Variants in WLS observed in about 807,000 individuals in gnomAD.
WLS encodes Wnt ligand secretion mediator, also known as protein wntless homolog.
Under a neutral mutation model 62.8 loss-of-function variants are expected in WLS, and 23 were observed. The ratio of observed to expected loss-of-function variants is 0.37; its 90% confidence interval spans 0.26 to 0.52. The LOEUF is 0.52. Among genes scored for constraint, WLS ranks in the 20% least tolerant of loss-of-function variants. The probability of loss-of-function intolerance (pLI) is 0.92; values close to 1 mark genes in which losing one functional copy is unlikely to be tolerated. For synonymous variants in WLS, 246 were observed against 244.1 expected, an observed-to-expected ratio of 1.01 and a Z score of -0.07; for missense variants, 615 against 697.3, an observed-to-expected ratio of 0.88 and a Z score of 1.33.
At chr1:68,159,320 T>C (rs1646941514) in intron 2 of WLS, 73 bp from the exon 3 acceptor site, 3 of 1,563,140 alleles carry the variant, frequency 1.9e-6, no homozygotes, top group Admixed American at 3.9e-5. Flanking sequence ...AAAAAATTCT[T>C]ATAGGCTTTG....
intron 9 of WLS, among the ~76,000 whole-genome samples, chr1:68,145,568 C>T (rs1212186763): frequency 6.6e-6 from 1 of 151,906 alleles, no homozygotes; most frequent in Non-Finnish European, 1.5e-5. Context: ...TGCCATAGTC[C>T]AATCTCCCAG....
intron 2 of WLS, chr1:68,163,154 A>G (rs1647007700): frequency 9.3e-7 from 1 of 1,076,468 alleles, no homozygotes; most frequent in Non-Finnish European, 1.4e-6. Context: ...ACTTAGGGGA[A>G]CTCGCAGGAG....
At chr1:68,183,277 G>C (rs553490080) in intron 2 of WLS, among the ~76,000 whole-genome samples, 1 of 152,172 alleles carries the variant, frequency 6.6e-6, no homozygotes, top group Non-Finnish European at 1.5e-5. Context: ...ACCTCTTTTT[G>C]GTGGGAGTAG....
At chr1:68,137,139 C>G (rs745999104) in intron 11 of WLS, among the ~76,000 whole-genome samples, 1 of 152,180 alleles carries the variant, frequency 6.6e-6, no homozygotes, top group Admixed American at 6.5e-5. Context: ...TGAGCAAGAT[C>G]TTCCCTTCTC....
chr1:68,153,077 G>A (rs1030265268), intron 5 of WLS, among the ~76,000 whole-genome samples: 3 of 152,114 alleles, frequency 2.0e-5, no homozygotes, highest in Non-Finnish European at 2.9e-5. Context: ...TCAGGATTTC[G>A]AGATCAGCCT....
chr1:68,184,747 T>C (rs976675850), intron 2 of WLS, among the ~76,000 whole-genome samples: 3 of 152,198 alleles, frequency 2.0e-5, no homozygotes, highest in Admixed American at 1.3e-4. Context: ...ACTGACTCAA[T>C]CATAGATTTC....
At chr1:68,225,734 C>G (rs1571040550) in intron 1 of WLS, among the ~76,000 whole-genome samples, 1 of 152,308 alleles carries the variant, frequency 6.6e-6, no homozygotes, top group East Asian at 1.9e-4. Flanking sequence ...CAGTAAGAGG[C>G]TCTTTTCTCA....
intron 11 of WLS, among the ~76,000 whole-genome samples, chr1:68,135,974 G>A (rs1206910491): frequency 1.3e-5 from 2 of 152,184 alleles, no homozygotes; most frequent in Non-Finnish European, 2.9e-5. Flanking sequence ...CAGGGGGTAG[G>A]TAAGTAAATA....
chr1:68,137,653 C>A, intron 11 of WLS, 127 bp downstream of exon 11: 1 of 1,091,566 alleles, frequency 9.2e-7, no homozygotes, highest in African/African-American at 1.6e-5. Flanking sequence ...TCACCGTCTC[C>A]CAGTGTGAGG....
chr1:68,167,108 A>G (rs1398089174), intron 2 of WLS, among the ~76,000 whole-genome samples: 1 of 152,208 alleles, frequency 6.6e-6, no homozygotes, highest in Non-Finnish European at 1.5e-5. Context: ...AACGCCTAGA[A>G]TTTCATGATT....
At chr1:68,226,496 G>T (rs1189339837) in intron 1 of WLS, among the ~76,000 whole-genome samples, 1 of 152,256 alleles carries the variant, frequency 6.6e-6, no homozygotes, top group South Asian at 2.1e-4. Context: ...TCTATTTCAA[G>T]ATGAAATATT....
intron 11 of WLS, among the ~76,000 whole-genome samples, chr1:68,107,494 G>T (rs1005536637): frequency 1.3e-5 from 2 of 152,144 alleles, no homozygotes; most frequent in African/African-American, 4.8e-5. Context: ...AAGCCATTCA[G>T]CTCAACCTCT....
chr1:68,098,900 G>A, intron 11 of WLS: 3 of 1,238,840 alleles, frequency 2.4e-6, no homozygotes, highest in Non-Finnish European at 3.2e-6. Context: ...GTTTAGGACT[G>A]TGTCCTTCAT....
chr1:68,183,430 G>A (rs768231791), intron 2 of WLS: 1 of 369,748 alleles, frequency 2.7e-6, no homozygotes, highest in South Asian at 2.2e-5. Flanking sequence ...TCATAGCAGG[G>A]ATAGTTCTTA....
chr1:68,191,220 A>T (rs993062170), intron 2 of WLS, among the ~76,000 whole-genome samples: 2 of 152,072 alleles, frequency 1.3e-5, no homozygotes, highest in African/African-American at 4.8e-5. Context: ...TGTCTAGGAG[A>T]GATTATACCT....
At chr1:68,191,827 T>C (rs1430740) in intron 2 of WLS, among the ~76,000 whole-genome samples, 88,466 of 151,910 alleles carry the variant, frequency 0.58, 26,102 homozygotes, top group Non-Finnish European at 0.62. Context: ...CTTTTGCTCA[T>C]CCTCACCTCC....
At chr1:68,226,573 A>G (rs989959651) in intron 1 of WLS, among the ~76,000 whole-genome samples, 1 of 152,166 alleles carries the variant, frequency 6.6e-6, no homozygotes, top group Non-Finnish European at 1.5e-5. Context: ...TTCCCAATAA[A>G]TAAGTGAAAA....
At chr1:68,127,502 A>G (rs988878162) in intron 11 of WLS, among the ~76,000 whole-genome samples, 2 of 152,218 alleles carry the variant, frequency 1.3e-5, no homozygotes, top group Admixed American at 6.5e-5. Flanking sequence ...AAACTCTGCT[A>G]CCTGCCATAA....
chr1:68,216,914 A>G (rs2100654885), intron 1 of WLS, among the ~76,000 whole-genome samples: 1 of 152,348 alleles, frequency 6.6e-6, no homozygotes, highest in African/African-American at 2.4e-5. Flanking sequence ...ACTGCTGAAA[A>G]AGACAAAGTT....
Sources: allele counts gnomAD v4.1 joint callset (sites outside exome capture counted in the v4.1 genomes callset), GRCh38; gene constraint gnomAD v4.1.1; transcripts MANE v1.5; gene names NCBI Gene and HGNC (gene_info 2026-07-23, HGNC 2026-07-21).